The following GRM7 variants were observed in gnomAD, a reference collection of about 807,000 sequenced individuals.
GRM7 encodes the protein metabotropic glutamate receptor 7.
Under a neutral mutation model 84.5 loss-of-function variants are expected in GRM7, and 35 were observed. The ratio of observed to expected loss-of-function variants is 0.41; its 90% CI spans 0.32 to 0.55. The LOEUF (loss-of-function observed/expected upper bound fraction) is 0.55. Among genes scored for constraint, GRM7 ranks in the 20% least tolerant of loss-of-function variants. GRM7 has a pLI of 0.19. For missense variants in GRM7, 1,003 were observed against 1,194.6 expected (o/e 0.84, Z 2.36); for synonymous variants, 487 against 455.1 (o/e 1.07, Z -0.89).
At chr3:7,061,107 A>G (rs113202324) in intron 1 of GRM7, among the ~76,000 whole-genome samples, 3,764 of 151,900 alleles carry the variant, frequency 0.025, 114 homozygotes, top group African/African-American at 0.073. Context: ...ATATGTGGGC[A>G]GACTCTTGAA....
At chr3:7,233,668 TTGAG>T (rs1697263236) in intron 2 of GRM7, among the ~76,000 whole-genome samples, 1 of 152,118 alleles carries the variant, frequency 6.6e-6, no homozygotes, top group South Asian at 2.1e-4. Flanking sequence ...GACCCCTTGT[TTGAG>T]TGAAGAAAAG....
intron 4 of GRM7, among the ~76,000 whole-genome samples, chr3:7,326,060 C>T (rs1700972633): frequency 7.5e-6 from 1 of 133,022 alleles, no homozygotes; most frequent in African/African-American, 2.7e-5. Context: ...CCCCCGGCCC[C>T]AAAGCATGAA....
chr3:7,109,918 T>C (rs575941657), intron 1 of GRM7, among the ~76,000 whole-genome samples: 2 of 152,262 alleles, frequency 1.3e-5, no homozygotes, highest in South Asian at 4.1e-4. Context: ...TGTTTTTATA[T>C]GTTTGAATCT....
chr3:7,244,892 A>T (rs2124927872), intron 2 of GRM7, among the ~76,000 whole-genome samples: 1 of 152,186 alleles, frequency 6.6e-6, no homozygotes, highest in South Asian at 2.1e-4. Flanking sequence ...ACTTAAGCAT[A>T]ATCATTATAA....
intron 2 of GRM7, among the ~76,000 whole-genome samples, chr3:7,166,550 T>C (rs1253877205): frequency 6.6e-6 from 1 of 152,206 alleles, no homozygotes; most frequent in African/African-American, 2.4e-5. Flanking sequence ...TGGTGTCATA[T>C]AGACTGAACT....
intron 2 of GRM7, among the ~76,000 whole-genome samples, chr3:7,236,723 A>T (rs1252288992): frequency 1.3e-5 from 2 of 152,170 alleles, no homozygotes; most frequent in Non-Finnish European, 2.9e-5. Flanking sequence ...CAATCACAAG[A>T]TATGTGAATG....
intron 1 of GRM7, among the ~76,000 whole-genome samples, chr3:7,032,707 A>G (rs187210460): frequency 6.6e-6 from 1 of 152,314 alleles, no homozygotes. Flanking sequence ...GATAATACAC[A>G]AATAAGAAAA....
At chr3:7,535,370 A>C (rs1443260168) in intron 7 of GRM7, 1 of 152,248 alleles carries the variant, frequency 6.6e-6, no homozygotes, top group Admixed American at 6.5e-5. Context: ...TAGGAAGATA[A>C]CCAAGAGGAT....
intron 8 of GRM7, among the ~76,000 whole-genome samples, chr3:7,671,597 A>G (rs910415317): frequency 1.3e-5 from 2 of 148,870 alleles, no homozygotes; most frequent in Admixed American, 6.8e-5. Context: ...CTTGTCCAAT[A>G]CTCATCTAGT....
chr3:7,336,299 G>A (rs1175708480), intron 4 of GRM7, among the ~76,000 whole-genome samples: 4 of 151,624 alleles, frequency 2.6e-5, no homozygotes, highest in Non-Finnish European at 5.9e-5. Flanking sequence ...AATTCATATG[G>A]TCATCTCAAT....
intron 7 of GRM7, among the ~76,000 whole-genome samples, chr3:7,489,005 C>T (rs1233277818): frequency 6.6e-6 from 1 of 152,104 alleles, no homozygotes; most frequent in Non-Finnish European, 1.5e-5. Context: ...GTAATTCTTA[C>T]TTAACTCTTT....
intron 2 of GRM7, among the ~76,000 whole-genome samples, chr3:7,292,372 G>A (rs1699662448): frequency 6.6e-6 from 1 of 152,058 alleles, no homozygotes; most frequent in Non-Finnish European, 1.5e-5. Context: ...AATCTGTGGA[G>A]TATGTGAGGA....
intron 8 of GRM7, 53 bp from the exon 9 acceptor site, chr3:7,679,996 C>T: frequency 3.8e-6 from 6 of 1,575,122 alleles, no homozygotes; most frequent in Non-Finnish European, 5.2e-6. Flanking sequence ...GTGTTCAGAC[C>T]CCTACTGCAG....
chr3:7,412,913 T>A (rs1696003190), intron 4 of GRM7, among the ~76,000 whole-genome samples: 1 of 152,094 alleles, frequency 6.6e-6, no homozygotes, highest in Non-Finnish European at 1.5e-5. Flanking sequence ...CTAATAGTAA[T>A]GCTATATGTG....
At chr3:7,124,460 C>A (rs371096420) in intron 1 of GRM7, among the ~76,000 whole-genome samples, 1 of 152,102 alleles carries the variant, frequency 6.6e-6, no homozygotes, top group Non-Finnish European at 1.5e-5. Flanking sequence ...GAACTGAGAT[C>A]GCACCATTGC....
At chr3:7,310,126 C>T (rs747541718) in intron 4 of GRM7, among the ~76,000 whole-genome samples, 1 of 152,152 alleles carries the variant, frequency 6.6e-6, no homozygotes, top group Non-Finnish European at 1.5e-5. Context: ...CCTAGGCATC[C>T]TCTAATTATG....
At chr3:7,276,788 T>TCCCTCCCTCCCTCCCTCCC (rs1164181994) in intron 2 of GRM7, among the ~76,000 whole-genome samples, 3 of 3,584 alleles carry the variant, frequency 8.4e-4, no homozygotes, top group Non-Finnish European at 1.2e-3. Flanking sequence ...CCTTCCTTCC[T>TCCCTCCCTCCCTCCCTCCC]TCCTTCCTTC....
At chr3:7,535,504 A>G (rs1334656147) in intron 7 of GRM7, among the ~76,000 whole-genome samples, 1 of 152,206 alleles carries the variant, frequency 6.6e-6, no homozygotes, top group Non-Finnish European at 1.5e-5. Flanking sequence ...GCTCAGAACC[A>G]TAGACACAGG....
intron 1 of GRM7, among the ~76,000 whole-genome samples, chr3:6,874,510 C>T (rs1029602385): frequency 6.6e-6 from 1 of 152,084 alleles, no homozygotes; most frequent in African/African-American, 2.4e-5. Context: ...CAAGCTTATC[C>T]CTATATATGG....
Sources: gnomAD v4.1 joint callset for allele counts (sites outside exome capture counted in the v4.1 genomes callset) on GRCh38, gnomAD v4.1.1 for gene constraint, MANE v1.5 for transcripts, NCBI Gene and HGNC (gene_info 2026-07-23, HGNC 2026-07-21) for gene names.